METTL6: variants seen among roughly 807,000 people sequenced by gnomAD.
METTL6 encodes tRNA N(3)-cytidine methyltransferase METTL6.
Under a neutral mutation model 26.4 loss-of-function variants are expected in METTL6, and 22 were observed. The ratio of observed to expected loss-of-function variants is 0.83; its 90% CI spans 0.59 to 1.19. The LOEUF (loss-of-function observed/expected upper bound fraction) is 1.19. Among genes scored for constraint, METTL6 ranks in the 50% most tolerant of loss-of-function variants. The pLI, the probability that METTL6 is intolerant of heterozygous loss-of-function variation, is 0.00. For synonymous variants in METTL6, 109 were observed against 116.2 expected (o/e 0.94, Z 0.40); for missense variants, 304 against 324.8 (o/e 0.94, Z 0.49).
intron 5 of METTL6, 168 bp downstream of exon 5, chr3:15,413,853 A>C: frequency 6.6e-7 from 1 of 1,510,150 alleles, no homozygotes; most frequent in South Asian, 1.2e-5. Flanking sequence ...GGCAGGGGCC[A>C]GGTCTGTGCC....
chr3:15,426,353 G>A lies in METTL6; in HGVS notation c.159C>T (p.Ser53=). 1 of 1,614,142 alleles carries A rather than the reference G, an allele frequency of 6.2e-7. No individual in the cohort carries two copies. Among genetic ancestry groups the A allele is most frequent in the Non-Finnish European group, 8.5e-7 (1 of 1,180,012 alleles). The part of the protein sequence containing the change: ...KNWDLFYKRN[S]TNFFKDRHWT... ...AGTGTCTGTCTTTGAAGAAATTAGT[G>A]CTATTTCTTTTGTAAAAAAGATCCC... The change falls in exon 2 of 6, where the codon AGC becomes AGT. Residue 53 remains serine (S), a synonymous_variant. Transcript: ENST00000383790.
downstream of METTL6, among the ~76,000 whole-genome samples, chr3:15,409,615 T>C (rs1699892104): frequency 6.6e-6 from 1 of 152,112 alleles, no homozygotes; most frequent in African/African-American, 2.4e-5. Flanking sequence ...ACACCAGTCA[T>C]CTTCTCCGAG....
At chr3:15,383,061 A>G (rs1433714653) in exon 7 of METTL6, 1 of 152,212 alleles carries the variant, frequency 6.6e-6, no homozygotes, top group East Asian at 1.9e-4. Flanking sequence ...TCTACTGTAC[A>G]TGGTGACCAT....
intron 4 of METTL6, 178 bp downstream of exon 4, chr3:15,415,594 C>A: frequency 4.4e-6 from 7 of 1,607,594 alleles, no homozygotes; most frequent in South Asian, 1.1e-5. Flanking sequence ...CTGCACAAAT[C>A]AGAATTTAGG....
chr3:15,407,615 C>G (rs749936209), downstream of METTL6, among the ~76,000 whole-genome samples: 69 of 152,186 alleles, frequency 4.5e-4, no homozygotes, highest in Non-Finnish European at 9.0e-4. Flanking sequence ...TCACATCAAA[C>G]CCTCCACTGA....
intron 3 of METTL6, among the ~76,000 whole-genome samples, chr3:15,422,564 G>A (rs1474904124): frequency 2.6e-5 from 4 of 151,832 alleles, no homozygotes; most frequent in Non-Finnish European, 5.9e-5. Context: ...GTTTGAGGCT[G>A]CAGTGAGCTC....
chr3:15,424,865 C>T (rs2061683337), intron 3 of METTL6, 90 bp downstream of exon 3: 2 of 1,567,416 alleles, frequency 1.3e-6, no homozygotes, highest in East Asian at 2.3e-5. Flanking sequence ...CCAGGGAAGA[C>T]TAGAATTGGG....
At position 15,426,566 on chromosome 3, in the gene METTL6, A is replaced by C; in HGVS notation, c.-55T>G. The C allele has an allele frequency of 6.7e-7, 1 of 1,503,430 alleles. No homozygotes were observed. The highest frequency in any genetic ancestry group is 9.2e-7 in the Non-Finnish European group (1 of 1,091,318). 93.1% of individuals were successfully genotyped at this position (1,503,430 alleles called of 1,614,324 possible). ...GCTGAAGATTCTCCATCACCAAATA[A>C]TATGAATCCACGCTAATGGATCAGA... On this transcript the variant is annotated 5_prime_UTR_variant, in exon 2 of 6. Transcript: ENST00000383790.
chr3:15,386,103 G>A (rs1699185357), intron 6 of METTL6, among the ~76,000 whole-genome samples: 1 of 152,208 alleles, frequency 6.6e-6, no homozygotes, highest in African/African-American at 2.4e-5. Context: ...GCTACATATG[G>A]GGTGGATTAT....
chr3:15,407,027 T>C (rs1260299473), downstream of METTL6, among the ~76,000 whole-genome samples: 1 of 151,892 alleles, frequency 6.6e-6, no homozygotes, highest in Non-Finnish European at 1.5e-5. Flanking sequence ...TTTTATTGTT[T>C]ATTTTTTGAG....
chr3:15,386,822 T>G (rs757846585), intron 6 of METTL6, among the ~76,000 whole-genome samples: 9 of 151,968 alleles, frequency 5.9e-5, no homozygotes, highest in Admixed American at 4.6e-4. Flanking sequence ...AGACAGAGTT[T>G]CACTCTTGTC....
At chr3:15,425,153 T>G in intron 2 of METTL6, 64 bp from the exon 3 acceptor site, 17 of 1,580,416 alleles carry the variant, frequency 1.1e-5, no homozygotes, top group Non-Finnish European at 1.3e-5. Flanking sequence ...TAAACCAAAC[T>G]AAAAGGTCCA....
intron 3 of METTL6, among the ~76,000 whole-genome samples, chr3:15,417,027 G>A (rs1198988092): frequency 1.3e-5 from 2 of 152,122 alleles, no homozygotes; most frequent in African/African-American, 2.4e-5. Context: ...GAACAATGAG[G>A]TAGGTATGGT....
At position 15,426,487 on chromosome 3, in the gene METTL6, G is replaced by T; in HGVS notation, c.25C>A (p.Leu9Met). 1 of 1,613,846 alleles carries T rather than the reference G, an allele frequency of 6.2e-7. No individual in the cohort carries two copies. Among genetic ancestry groups the T allele is most frequent in the African/African-American group, 1.3e-5 (1 of 74,974 alleles). The part of the protein sequence containing the change: MASLQRKG[L>M]QARILTSEEE... ...TCAGAGGTGAGAATCCTTGCCTGCA[G>T]CCCTTTCCTTTGCAAAGAAGCCATC... is the stretch of plus-strand genomic sequence containing the variant. The change falls in exon 2 of 6, where the codon CTG becomes ATG. Residue 9 changes from leucine to methionine, a missense_variant. Physicochemically the swap from Leu to Met is conservative, Grantham distance 15. Coordinates refer to ENST00000383790, the MANE Select transcript of METTL6 (RefSeq NM_152396.4).
intron 2 of METTL6, among the ~76,000 whole-genome samples, 197 bp from the exon 3 acceptor site, chr3:15,425,286 G>C (rs978287055): frequency 1.3e-5 from 2 of 152,148 alleles, no homozygotes; most frequent in Admixed American, 1.3e-4. Flanking sequence ...GAAAAAAACA[G>C]CACAATGGCT....
intron 6 of METTL6, among the ~76,000 whole-genome samples, chr3:15,390,691 C>G (rs1205604836): frequency 6.6e-6 from 1 of 152,168 alleles, no homozygotes; most frequent in Non-Finnish European, 1.5e-5. Context: ...ATGTTGAAAC[C>G]AATGCTGTTT....
chr3:15,401,778 C>G (rs113118638), intron 6 of METTL6, among the ~76,000 whole-genome samples: 1 of 152,128 alleles, frequency 6.6e-6, no homozygotes, highest in African/African-American at 2.4e-5. Flanking sequence ...CCTATATGGT[C>G]TTAAGTGGGG....
intron 1 of METTL6, among the ~76,000 whole-genome samples, 191 bp from the exon 2 acceptor site, chr3:15,426,826 C>G (rs1421935434): frequency 1.3e-5 from 2 of 152,218 alleles, no homozygotes; most frequent in Admixed American, 1.3e-4. Flanking sequence ...GCCAGACTAT[C>G]TCATGCACCA....
intron 6 of METTL6, among the ~76,000 whole-genome samples, chr3:15,391,300 T>A (rs997911751): frequency 6.6e-6 from 1 of 152,164 alleles, no homozygotes; most frequent in Non-Finnish European, 1.5e-5. Flanking sequence ...AGAGCTGAGG[T>A]TCCAGGCTTA....
Sources: allele counts gnomAD v4.1 joint callset (sites outside exome capture counted in the v4.1 genomes callset), GRCh38; gene constraint gnomAD v4.1.1; transcripts MANE v1.5; gene names NCBI Gene and HGNC (gene_info 2026-07-23, HGNC 2026-07-21).